Variants in NEFL observed in about 807,000 individuals in gnomAD.
The protein encoded by NEFL is neurofilament light chain.
In NEFL, 36 loss-of-function variants were observed where a neutral mutation model predicts 51.6. That is an observed-to-expected ratio of 0.70 (90% confidence interval 0.53 to 0.92). NEFL has a LOEUF of 0.92. NEFL is among the 40% of genes least tolerant of loss of function. The pLI, the probability that NEFL is intolerant of heterozygous loss-of-function variation, is 0.00. For missense variants in NEFL, 671 were observed against 722.0 expected (o/e 0.93, Z 0.81); for synonymous variants, 332 against 302.5 (o/e 1.10, Z -1.01).
chr8:24,956,304 A>C lies in NEFL; in HGVS notation c.212T>G (p.Leu71Arg), dbSNP rs377171291. ...SGSLMPSLENLDLSQVAAISN... is the reference protein window; with the variant it reads ...SGSLMPSLENRDLSQVAAISN... ...GATGGCGGCTACCTGGCTCAGGTCG[A>C]GGTTCTCCAGACTGGGCATCAACGA... The change falls in exon 1 of 4, where the codon CTC (leucine) becomes CGC (arginine). Residue 71 changes from leucine to arginine, a missense_variant. Physicochemically the swap from Leu to Arg is moderately radical, Grantham distance 102 (BLOSUM62 -2). Transcript: ENST00000610854. This position sits in a 1 kb window ranked among gnomAD's most constrained non-coding sequence, Gnocchi z 5.9. 3 of 1,610,506 alleles carry C rather than the reference A, an allele frequency of 1.9e-6. No homozygotes were observed.
rs768903908 is a variant in NEFL, at chr8:24,956,357, C to G, written c.159G>C (p.Val53=). 9.3e-6 allele frequency: 15 copies of G among 1,608,410 alleles called. No individual in the cohort carries two copies. The Admixed American group carries it at 2.5e-4, about 27-fold the overall frequency. Residue 53 remains valine, a synonymous_variant, in exon 1 of 4, where the codon GTG becomes GTC. Transcript: ENST00000610854. The surrounding 1 kb of genome is among the most constrained non-coding windows in gnomAD (Gnocchi z 5.9). ...CAGAGCTGGAGGAGTAGCTGCGGCG[C>G]ACGGACAGCGAGGAAGACACCGGCG... ...YSAPVSSSLS[V]RRSYSSSSGS...
At chr8:24,953,024 T>G (rs1802991325) in intron 3 of NEFL, 72 bp from the exon 4 acceptor site, 1 of 1,497,726 alleles carries the variant, frequency 6.7e-7, no homozygotes, top group African/African-American at 1.4e-5. Context: ...CTGCAAAGGT[T>G]TTATTTGCAA....
rs1349152598 is a variant in NEFL at position 24,951,213 on chromosome 8, C to T, written c.*1597G>A. 1 of 152,268 alleles carries T rather than the reference C, an allele frequency of 6.6e-6. No individual in the cohort carries two copies. The highest frequency in any genetic ancestry group is 2.4e-5 in the African/African-American group (1 of 41,432). The allele number at this position is 152,268 out of a possible 1,614,324, so 9.4% of individuals were successfully genotyped here. On this transcript the variant is annotated 3_prime_UTR_variant, in exon 4 of 4. Coordinates refer to ENST00000610854, the MANE Select transcript of NEFL (RefSeq NM_006158.5). Reference sequence around the variant, plus strand: ...ACTGAGAGCCTTCATAGTTCCAATCCATTACCATCATGGCAAGGAAGCACT... The same window carrying T: ...ACTGAGAGCCTTCATAGTTCCAATCTATTACCATCATGGCAAGGAAGCACT...
rs2117249604 is a variant in NEFL at position 24,951,857 on chromosome 8, G to A, written c.*953C>T. ...CCTTCTTATTGTACCATGTTCTCAG[G>A]TTTTAACCTCCTCCCATGATATTTA... is the stretch of plus-strand genomic sequence containing the variant. On this transcript the variant is annotated 3_prime_UTR_variant, in exon 4 of 4. Transcript: ENST00000610854. The A allele has an allele frequency of 6.6e-6, 1 of 152,612 alleles. No homozygotes were observed. Among genetic ancestry groups the A allele is most frequent in the Non-Finnish European group, 1.5e-5 (1 of 68,012 alleles). 9.5% of individuals were successfully genotyped at this position (152,612 alleles called of 1,614,324 possible).
Position 24,952,942 on chromosome 8 carries a change from T to G in NEFL, c.1500A>C (p.Glu500Asp), listed in dbSNP as rs745644995. 1 of 1,610,752 alleles carries G rather than the reference T, an allele frequency of 6.2e-7. No homozygotes were observed. Among genetic ancestry groups the G allele is most frequent in the Non-Finnish European group, 8.5e-7 (1 of 1,178,974 alleles). The change falls in exon 4 of 4, where the codon GAA becomes GAC. Residue 500 changes from glutamate to aspartate, a missense_variant. By Grantham distance (45) the Glu-to-Asp change is conservative (BLOSUM62 2). Transcript: ENST00000610854. ...EAAEEEEAAK[E>D]ESEEAKEEEE... is the part of the protein sequence containing the mutation. Reference sequence around the variant, plus strand: ...CTTCTTCTTTTGCTTCTTCAGACTCTTCCTTGGCAGCTTTAACATAAAAAG... The same window carrying G: ...CTTCTTCTTTTGCTTCTTCAGACTCGTCCTTGGCAGCTTTAACATAAAAAG...
Position 24,955,421 on chromosome 8 carries a change from C to T in NEFL, c.1044+51G>A, listed in dbSNP as rs1205772866. The T allele has an allele frequency of 1.5e-5, 9 of 581,472 alleles. No individual in the cohort carries two copies. The highest frequency in any genetic ancestry group is 4.8e-5 in the Admixed American group (2 of 41,464). The allele number at this position is 581,472 out of a possible 1,614,324, so 36.0% of individuals were successfully genotyped here. A position where few individuals can be genotyped will look rare whatever the true frequency, so the allele number is the denominator to read the frequency against. On this transcript the variant is annotated intron_variant, in intron 1 of 3. Coordinates refer to ENST00000610854, the MANE Select transcript of NEFL (RefSeq NM_006158.5). This position sits in a 1 kb window ranked among gnomAD's most constrained non-coding sequence, Gnocchi z 4.0. ...TCTCCACTTTCTGGGCGCACCAACT[C>T]CCCCCCTTGCTCGAGTCCCCCGCCC...
In NEFL at chr8:24,956,184, A is replaced by C; in HGVS notation, c.332T>G (p.Leu111Arg). 1 of 1,610,542 alleles carries C rather than the reference A, an allele frequency of 6.2e-7. No individual in the cohort carries two copies. Among genetic ancestry groups the C allele is most frequent in the Non-Finnish European group, 8.5e-7 (1 of 1,178,680 alleles). ...FASFIERVHELEQQNKVLEAE... is the reference protein window; with the variant it reads ...FASFIERVHEREQQNKVLEAE... Reference sequence around the variant, plus strand: ...TTCCAGGACCTTGTTCTGCTGCTCCAGCTCGTGCACGCGCTCGATGAAGCT... The same window carrying C: ...TTCCAGGACCTTGTTCTGCTGCTCCCGCTCGTGCACGCGCTCGATGAAGCT... The change falls in exon 1 of 4, where the codon CTG (leucine) becomes CGG (arginine). Residue 111 changes from leucine to arginine, a missense_variant. Physicochemically the swap from Leu to Arg is moderately radical, Grantham distance 102. Transcript: ENST00000610854. The surrounding 1 kb of genome is among the most constrained non-coding windows in gnomAD (Gnocchi z 5.9).
chr8:24,956,473 T>C lies in NEFL; in HGVS notation c.43A>G (p.Lys15Glu). The C allele has an allele frequency of 6.2e-7, 1 of 1,604,392 alleles. No homozygotes were observed. Among genetic ancestry groups the C allele is most frequent in the Non-Finnish European group, 8.5e-7 (1 of 1,176,338 alleles). Residue 15 changes from lysine (K) to glutamate (E), a missense_variant, in exon 1 of 4, where the codon AAG (lysine) becomes GAG (glutamate). Lys to Glu is a moderately conservative substitution (Grantham distance 56, BLOSUM62 1). Coordinates refer to ENST00000610854, the MANE Select transcript of NEFL (RefSeq NM_006158.5). This position sits in a 1 kb window ranked among gnomAD's most constrained non-coding sequence, Gnocchi z 5.9. ...SYEPYYSTSYKRRYVETPRVH... is the reference protein window; with the variant it reads ...SYEPYYSTSYERRYVETPRVH... Reference sequence around the variant, plus strand: ...CGGGGCGTCTCCACGTAGCGCCGCTTGTAGGAGGTCGAGTAGTACGGCTCG... The same window carrying C: ...CGGGGCGTCTCCACGTAGCGCCGCTCGTAGGAGGTCGAGTAGTACGGCTCG...
chr8:24,954,530 G>C (rs1037278563), intron 1 of NEFL, among the ~76,000 whole-genome samples: 12 of 152,054 alleles, frequency 7.9e-5, no homozygotes, highest in African/African-American at 2.4e-4. Context: ...CGAAAATTCT[G>C]TTCTTCTGTT....
rs1802966332 is a variant in NEFL, at chr8:24,951,411, G to C, written c.*1399C>G. 1 of 152,212 alleles carries C rather than the reference G, an allele frequency of 6.6e-6. No individual in the cohort carries two copies. The highest frequency in any genetic ancestry group is 1.5e-5 in the Non-Finnish European group (1 of 68,038). The allele number at this position is 152,212 out of a possible 1,614,324, so 9.4% of individuals were successfully genotyped here. A position where few individuals can be genotyped will look rare whatever the true frequency, so the allele number is the denominator to read the frequency against. ...GACAAAGCAATTGTTTCAGAACAAA[G>C]GCAGAATAGCAGATAGTAATATCAT... On this transcript the variant is annotated 3_prime_UTR_variant, in exon 4 of 4. Transcript: ENST00000610854.
chr8:24,955,424 C>G lies in NEFL; in HGVS notation c.1044+48G>C, dbSNP rs748461634. ...CCACTTTCTGGGCGCACCAACTCCC[C>G]CCCTTGCTCGAGTCCCCCGCCCCCC... On this transcript the variant is annotated intron_variant, in intron 1 of 3. Coordinates refer to ENST00000610854, the MANE Select transcript of NEFL (RefSeq NM_006158.5). This position sits in a 1 kb window ranked among gnomAD's most constrained non-coding sequence, Gnocchi z 4.0. 22 of 735,312 alleles carry G rather than the reference C, an allele frequency of 3.0e-5. No homozygotes were observed. The highest frequency in any genetic ancestry group is 2.8e-4 in the Admixed American group (13 of 46,088). 45.5% of individuals were successfully genotyped at this position (735,312 alleles called of 1,614,324 possible). A position where few individuals can be genotyped will look rare whatever the true frequency, so the allele number is the denominator to read the frequency against.
chr8:24,954,433 T>G lies in NEFL; in HGVS notation c.1045-128A>C, dbSNP rs577677247. The stretch of plus-strand genomic sequence containing the variant: ...AGGTGCACACCTTTGATAAAATCTC[T>G]CCTAGAATAACTTCCTGTATCTTTT... On this transcript the variant is annotated intron_variant, in intron 1 of 3. Transcript: ENST00000610854. 7.2e-5 allele frequency: 76 copies of G among 1,059,612 alleles called. No homozygotes were observed. The East Asian group carries it at 2.0e-3, about 27-fold the overall frequency. The allele number at this position is 1,059,612 out of a possible 1,614,324, so 65.6% of individuals were successfully genotyped here.
intron 1 of NEFL, 104 bp from the exon 2 acceptor site, chr8:24,954,409 G>T: frequency 7.8e-7 from 1 of 1,285,338 alleles, no homozygotes; most frequent in South Asian, 1.5e-5. Flanking sequence ...TTAAAATCAA[G>T]GTGCACACCT....
In NEFL at chr8:24,955,420, T is replaced by A; in HGVS notation, c.1044+52A>T. ...GTCTCCACTTTCTGGGCGCACCAAC[T>A]CCCCCCCTTGCTCGAGTCCCCCGCC... is the stretch of plus-strand genomic sequence containing the variant. On this transcript the variant is annotated intron_variant, in intron 1 of 3. Transcript: ENST00000610854. This position sits in a 1 kb window ranked among gnomAD's most constrained non-coding sequence, Gnocchi z 4.0. 1 of 966,284 alleles carries A rather than the reference T, an allele frequency of 1.0e-6. No individual in the cohort carries two copies. Among genetic ancestry groups the A allele is most frequent in the Non-Finnish European group, 1.5e-6 (1 of 650,748 alleles). The allele number at this position is 966,284 out of a possible 1,614,324, so 59.9% of individuals were successfully genotyped here. A position where few individuals can be genotyped will look rare whatever the true frequency, so the allele number is the denominator to read the frequency against.
intron 1 of NEFL, among the ~76,000 whole-genome samples, chr8:24,954,699 T>C (rs866228834): frequency 4.6e-5 from 7 of 151,852 alleles, no homozygotes; most frequent in South Asian, 2.1e-4. Flanking sequence ...TAGCCAGATG[T>C]AAACAAAAAA....
chr8:24,955,516 G>C lies in NEFL; in HGVS notation c.1000C>G (p.Gln334Glu), dbSNP rs148360417. ...GMNEALEKQLQELEDKQNADI... is the reference protein window; with the variant it reads ...GMNEALEKQLEELEDKQNADI... ...GCGTTCTGCTTGTCCTCCAGCTCCT[G>C]CAGCTGCTTCTCCAGCGCTTCATTC... The change falls in exon 1 of 4, where the codon CAG (glutamine) becomes GAG (glutamate). Residue 334 changes from glutamine (Q) to glutamate (E), a missense_variant. Transcript: ENST00000610854. This position sits in a 1 kb window ranked among gnomAD's most constrained non-coding sequence, Gnocchi z 4.0. 2 of 1,612,494 alleles carry C rather than the reference G, an allele frequency of 1.2e-6. No homozygotes were observed. Among genetic ancestry groups the C allele is most frequent in the Non-Finnish European group, 1.7e-6 (2 of 1,179,726 alleles).
Position 24,955,790 on chromosome 8 carries a change from C to T in NEFL, c.726G>A (p.Gln242=). 6.2e-7 allele frequency: 1 copy of T among 1,612,862 alleles called. No individual in the cohort carries two copies. Among genetic ancestry groups the T allele is most frequent in the Non-Finnish European group, 8.5e-7 (1 of 1,179,854 alleles). Residue 242 remains glutamine, a synonymous_variant, in exon 1 of 4, where the codon CAG becomes CAA. Transcript: ENST00000610854. This position sits in a 1 kb window ranked among gnomAD's most constrained non-coding sequence, Gnocchi z 4.0. The stretch of plus-strand genomic sequence containing the variant: ...TGGTCACGTCCATCTCCACGGAGAT[C>T]TGCGCGTACTGGATCTGCGCCTGCA... The part of the protein sequence containing the change: ...AELQAQIQYA[Q]ISVEMDVTKP...
rs998351779 is a variant in NEFL, at chr8:24,955,365, TA to T, written c.1044+106del. On this transcript the variant is annotated intron_variant, in intron 1 of 3. Transcript: ENST00000610854. The surrounding 1 kb of genome is among the most constrained non-coding windows in gnomAD (Gnocchi z 4.0). Reference sequence around the variant, plus strand: ...TGGCCAAGGAGCCAAGCCCTATCCCTAAGAGCTGCGTGCAGCCGCACCACCC... The same window carrying T: ...TGGCCAAGGAGCCAAGCCCTATCCCTAGAGCTGCGTGCAGCCGCACCACCC... 6.0e-6 allele frequency: 7 copies of T among 1,173,414 alleles called. No individual in the cohort carries two copies. In the African/African-American group the frequency reaches 1.1e-4, roughly 18 times the overall value. 72.7% of individuals were successfully genotyped at this position (1,173,414 alleles called of 1,614,324 possible). A position where few individuals can be genotyped will look rare whatever the true frequency, so the allele number is the denominator to read the frequency against.
chr8:24,953,491 C>G lies in NEFL; in HGVS notation c.1474G>C (p.Ala492Pro). 1 of 1,584,864 alleles carries G rather than the reference C, an allele frequency of 6.3e-7. No homozygotes were observed. The highest frequency in any genetic ancestry group is 2.3e-5 in the East Asian group (1 of 43,776). ...DKEEAEEEEAAEEEEAAKEES... is the reference protein window; with the variant it reads ...DKEEAEEEEAPEEEEAAKEES... ...CTTATCATACCTTCTTCCTCTTCAG[C>G]TGCCTCCTCTTCCTCGGCCTCTTCC... The change falls in exon 3 of 4, where the codon GCT (alanine) becomes CCT (proline). Residue 492 changes from alanine to proline, a missense_variant. Coordinates refer to ENST00000610854, the MANE Select transcript of NEFL (RefSeq NM_006158.5).
Sources: allele counts gnomAD v4.1 joint callset (sites outside exome capture counted in the v4.1 genomes callset), GRCh38; gene constraint gnomAD v4.1.1; non-coding constraint Gnocchi (gnomAD v3.1); transcripts MANE v1.5; gene names NCBI Gene and HGNC (gene_info 2026-07-23, HGNC 2026-07-21).